The following RBM26 variants were observed in gnomAD, a reference collection of about 807,000 sequenced individuals.
RBM26 encodes RNA-binding protein 26.
A neutral mutation model predicts 123.6 loss-of-function variants in RBM26; 30 were observed. The ratio of observed to expected loss-of-function variants is 0.24; its 90% confidence interval spans 0.18 to 0.33. RBM26 has a LOEUF of 0.33. RBM26 is among the 10% of genes least tolerant of loss of function. RBM26 has a pLI of 1.00. For missense variants in RBM26, 947 were observed against 1,203.6 expected (o/e 0.79, Z 3.15); for synonymous variants, 400 against 404.4 (o/e 0.99, Z 0.13).
In RBM26 at chr13:79,371,046, C is replaced by G. The variant is rs1369284746; in HGVS notation, c.533G>C (p.Ser178Thr). 17 of 1,613,850 alleles carry G rather than the reference C, an allele frequency of 1.1e-5. No homozygotes were observed. The highest frequency in any genetic ancestry group is 1.4e-5 in the Non-Finnish European group (16 of 1,179,710). The change falls in exon 5 of 22, where the codon AGT (serine) becomes ACT (threonine). Residue 178 changes from serine (S) to threonine (T), a missense_variant. By Grantham distance (58) the Ser-to-Thr change is moderately conservative. This residue lies in a region of RBM26 where 275 missense variants were observed against 361.0 expected (regional missense o/e 0.76). Coordinates refer to ENST00000438737, the MANE Select transcript of RBM26 (RefSeq NM_001366735.2). Reference sequence around the variant, plus strand: ...ACTTCGACTTCGACTCCTGCTATAACTGCGACTCCGCCCTCGTCTTCTATT... The same window carrying G: ...ACTTCGACTTCGACTCCTGCTATAAGTGCGACTCCGCCCTCGTCTTCTATT... Reference protein sequence around the residue: ...RYNRRRGRSRSYSRSRSRSWS... With the variant: ...RYNRRRGRSRTYSRSRSRSWS...
intron 1 of RBM26, among the ~76,000 whole-genome samples, chr13:79,397,362 G>A (rs1339814800): frequency 6.6e-6 from 1 of 151,986 alleles, no homozygotes; most frequent in Non-Finnish European, 1.5e-5. Context: ...AACAAGACAT[G>A]GACGTCCACT....
chr13:79,350,658 T>C (rs2073089266), intron 14 of RBM26, among the ~76,000 whole-genome samples: 1 of 152,150 alleles, frequency 6.6e-6, no homozygotes, highest in South Asian at 2.1e-4. Context: ...AATGTTACAT[T>C]TGTGTATTTA....
chr13:79,369,032 A>G (rs79687972), intron 5 of RBM26, 42 bp from the exon 6 acceptor site: 1 of 126,456 alleles, frequency 7.9e-6, no homozygotes, highest in African/African-American at 1.1e-4. Context: ...ACACTGTATT[A>G]AAAAAAAAAA....
chr13:79,358,721 T>A (rs928345373), intron 10 of RBM26, among the ~76,000 whole-genome samples: 9 of 152,218 alleles, frequency 5.9e-5, no homozygotes, highest in Non-Finnish European at 1.5e-5. Flanking sequence ...AAAGTCTCAA[T>A]ATCCTCTTTT....
At chr13:79,399,894 C>A (rs1436746625) in intron 1 of RBM26, among the ~76,000 whole-genome samples, 1 of 151,984 alleles carries the variant, frequency 6.6e-6, no homozygotes. Flanking sequence ...CACTTCTTTT[C>A]AGAAATTAGT....
chr13:79,375,902 A>C (rs1227652333), intron 3 of RBM26, among the ~76,000 whole-genome samples: 2 of 152,074 alleles, frequency 1.3e-5, no homozygotes, highest in South Asian at 2.1e-4. Flanking sequence ...CAAAAATGAC[A>C]GCAGCTACCA....
chr13:79,365,786 T>C, intron 8 of RBM26, 68 bp from the exon 9 acceptor site: 1 of 1,397,780 alleles, frequency 7.2e-7, no homozygotes, highest in Non-Finnish European at 1.0e-6. Flanking sequence ...TTAATATTGA[T>C]AAGAGAAAAA....
At chr13:79,356,369 C>CAAAAAAAAAAAAAAAA (rs72305160) in intron 11 of RBM26, among the ~76,000 whole-genome samples, 1 of 83,486 alleles carries the variant, frequency 1.2e-5, no homozygotes, top group Non-Finnish European at 2.3e-5. Flanking sequence ...GACTCTGTCT[C>CAAAAAAAAAAAAAAAA]AAAAAAAAAA....
chr13:79,371,930 T>C lies in RBM26; in HGVS notation c.328A>G (p.Ile110Val). The C allele has an allele frequency of 1.9e-6, 3 of 1,560,344 alleles. No individual in the cohort carries two copies. The highest frequency in any genetic ancestry group is 2.6e-6 in the Non-Finnish European group (3 of 1,146,432). Residue 110 changes from isoleucine to valine, a missense_variant and splice_region_variant, in exon 4 of 22, where the codon ATC becomes GTC. Around this residue, in one of 5 missense-constraint regions of RBM26, gnomAD observed 275 missense variants for 361.0 expected, o/e 0.76. Transcript: ENST00000438737. ...HQEKDIKKEEITKEEEREKKF... is the reference protein window; with the variant it reads ...HQEKDIKKEEVTKEEEREKKF... The stretch of plus-strand genomic sequence containing the variant: ...TTCTCTCGCTCTTCCTCCTTAGTGA[T>C]CTGATTAAAAAAAAAAAAAAAAGTG...
Position 79,334,363 on chromosome 13 carries a change from G to A in RBM26, c.2801C>T (p.Thr934Ile), listed in dbSNP as rs902506230. 5.1e-6 allele frequency: 8 copies of A among 1,555,604 alleles called. No individual in the cohort carries two copies. Among genetic ancestry groups the A allele is most frequent in the Non-Finnish European group, 7.0e-6 (8 of 1,147,426 alleles). ...SSLHAVITFK[T>I]RAEAEAAAVH... Reference sequence around the variant, plus strand: ...ACTTACTGCTTCAGCTTCTGCTCTTGTCTTGAATGTAATTACTGCATGAAG... The same window carrying A: ...ACTTACTGCTTCAGCTTCTGCTCTTATCTTGAATGTAATTACTGCATGAAG... Residue 934 changes from threonine to isoleucine, a missense_variant, in exon 20 of 22, where the codon ACA becomes ATA. Thr to Ile is a moderately conservative substitution (Grantham distance 89, BLOSUM62 -1). Transcript: ENST00000438737.
At chr13:79,356,717 AATTG>A (rs2074064889) in intron 11 of RBM26, among the ~76,000 whole-genome samples, 1 of 152,194 alleles carries the variant, frequency 6.6e-6, no homozygotes, top group Non-Finnish European at 1.5e-5. Context: ...GAGTTTTGAA[AATTG>A]ATTTTGAAAA....
rs928371020 is a variant in RBM26, at chr13:79,366,249, G to C, written c.1136-54C>G. 5.6e-5 allele frequency: 87 copies of C among 1,564,236 alleles called. No homozygotes were observed. In the Admixed American group the frequency reaches 1.5e-3, roughly 28 times the overall value. ...ATCTGAAAGCAAACAAATAAAACAA[G>C]TTATTGCACATCCGAACATAATCTT... On this transcript the variant is annotated intron_variant, in intron 7 of 21. Coordinates refer to ENST00000438737, the MANE Select transcript of RBM26 (RefSeq NM_001366735.2).
intron 9 of RBM26, among the ~76,000 whole-genome samples, chr13:79,364,725 T>C (rs1198202291): frequency 6.8e-6 from 1 of 146,766 alleles, no homozygotes; most frequent in Non-Finnish European, 1.5e-5. Context: ...TTTGCTGCCC[T>C]AGCTTGTGAC....
At chr13:79,342,037 ACT>A (rs899836163) in intron 17 of RBM26, among the ~76,000 whole-genome samples, 3 of 151,836 alleles carry the variant, frequency 2.0e-5, no homozygotes, top group African/African-American at 7.2e-5. Flanking sequence ...GTATTATAGC[ACT>A]GTGTTTAATA....
intron 3 of RBM26, among the ~76,000 whole-genome samples, chr13:79,372,628 G>C (rs2076015223): frequency 6.8e-6 from 1 of 147,834 alleles, no homozygotes; most frequent in Non-Finnish European, 1.5e-5. Context: ...AACACATCAA[G>C]GAATATAGGA....
At chr13:79,326,445 AT>A (rs910188615) in intron 20 of RBM26, among the ~76,000 whole-genome samples, 1 of 152,180 alleles carries the variant, frequency 6.6e-6, no homozygotes, top group Non-Finnish European at 1.5e-5. Context: ...GTGGACCTAA[AT>A]GTAAAAATCC....
chr13:79,403,758 G>A (rs1009704475), intron 1 of RBM26, among the ~76,000 whole-genome samples: 1 of 152,136 alleles, frequency 6.6e-6, no homozygotes, highest in African/African-American at 2.4e-5. Context: ...GCTATACTAT[G>A]ATGCCCACTC....
intron 14 of RBM26, among the ~76,000 whole-genome samples, chr13:79,349,329 A>G (rs1285316951): frequency 2.0e-5 from 3 of 152,166 alleles, no homozygotes; most frequent in Non-Finnish European, 4.4e-5. Context: ...TTTGACCAAC[A>G]TTTCCCAATC....
chr13:79,342,625 TTAATAAGTAA>T, intron 17 of RBM26, 29 bp downstream of exon 17: 1 of 1,484,670 alleles, frequency 6.7e-7, no homozygotes, highest in Non-Finnish European at 9.3e-7. Flanking sequence ...CTAATGCTTG[TTAATAAGTAA>T]TAATATGAAC....
Sources: gnomAD v4.1 joint callset for allele counts (sites outside exome capture counted in the v4.1 genomes callset) on GRCh38, gnomAD v4.1.1 for gene constraint, gnomAD v4.1.1 regional missense constraint, MANE v1.5 for transcripts, NCBI Gene and HGNC (gene_info 2026-07-23, HGNC 2026-07-21) for gene names.